DPEP2: variants seen among roughly 807,000 people sequenced by gnomAD.
DPEP2 encodes the protein dipeptidase 2.
DPEP2 carries 45 observed loss-of-function variants against 51.8 expected under a neutral mutation model. The ratio of observed to expected loss-of-function variants is 0.87; its 90% CI spans 0.68 to 1.11. DPEP2 has a LOEUF of 1.11. Among genes scored for constraint, DPEP2 ranks in the 50% most tolerant of loss-of-function variants. The pLI, the probability that DPEP2 is intolerant of heterozygous loss-of-function variation, is 0.00. For synonymous variants in DPEP2, 255 were observed against 262.7 expected, an observed-to-expected ratio of 0.97 and a Z score of 0.28; for missense variants, 604 against 631.9, an observed-to-expected ratio of 0.96 and a Z score of 0.47.
chr16:68,000,181 A>G (rs1474904531), upstream of DPEP2, among the ~76,000 whole-genome samples: 5 of 152,172 alleles, frequency 3.3e-5, no homozygotes, highest in Non-Finnish European at 7.3e-5. Context: ...AAATCTTGCT[A>G]CCAGGAAGGA....
intron 9 of DPEP2, among the ~76,000 whole-genome samples, chr16:67,988,836 C>G (rs2031754368): frequency 6.6e-6 from 1 of 151,986 alleles, no homozygotes; most frequent in Non-Finnish European, 1.5e-5. Context: ...TGCTTGAGCC[C>G]AGAAAGTCAA....
intron 1 of DPEP2, among the ~76,000 whole-genome samples, chr16:67,995,214 T>A (rs1254216984): frequency 1.1e-4 from 17 of 151,932 alleles, no homozygotes; most frequent in Non-Finnish European, 1.8e-4. Flanking sequence ...TTTTTATTTT[T>A]TATTTATTTT....
rs1048302486 is a variant in DPEP2, at chr16:67,991,073, G to A, written c.732+42C>T. 3 of 1,613,946 alleles carry A rather than the reference G, an allele frequency of 1.9e-6. No individual in the cohort carries two copies. The highest frequency in any genetic ancestry group is 4.5e-5 in the East Asian group (2 of 44,898). On this transcript the variant is annotated intron_variant, in intron 6 of 10. Transcript: ENST00000393847. The surrounding 1 kb of genome is among the most constrained non-coding windows in gnomAD (Gnocchi z 5.1). ...TTTATTTGTAAGAAACAGCTGGGGT[G>A]TGCACATTTGTTTGGGGTGGAGTGT...
intron 1 of DPEP2, chr16:67,994,408 C>T (rs1018535080): frequency 2.0e-6 from 2 of 984,800 alleles, no homozygotes; most frequent in Non-Finnish European, 2.4e-6. Flanking sequence ...TAGATGCCTC[C>T]TCCAGGAAGG....
Position 67,987,903 on chromosome 16 carries a change from A to C in DPEP2, c.1155T>G (p.Leu385=). The C allele has an allele frequency of 6.2e-7, 1 of 1,614,148 alleles. No homozygotes were observed. Among genetic ancestry groups the C allele is most frequent in the Admixed American group, 1.7e-5 (1 of 60,010 alleles). The change falls in exon 10 of 11, where the codon CTT becomes CTG. Residue 385 remains leucine, a synonymous_variant. Transcript: ENST00000393847. ...GCAGGTTTCCACGAAGGACACCCTG[A>C]AGCTCTTCCTCACTCCAGCCACGAC... ...LLSRGWSEEE[L]QGVLRGNLLR... is the part of the protein sequence containing the mutation.
chr16:67,992,071 C>A lies in DPEP2; in HGVS notation c.513G>T (p.Ser171=), dbSNP rs774457717. 7 of 1,614,070 alleles carry A rather than the reference C, an allele frequency of 4.3e-6. No individual in the cohort carries two copies. The highest frequency in any genetic ancestry group is 5.9e-6 in the Non-Finnish European group (7 of 1,180,004). ...TCCCATCAACTTGCCTACCTTTAGC[C>A]GAGGTCACAAGCTCCAGCTCAGAAT... is the stretch of plus-strand genomic sequence containing the variant. The part of the protein sequence containing the change: ...ASYSELELVT[S]AKALNDTQKL... The change falls in exon 4 of 11, where the codon TCG becomes TCT. Residue 171 remains serine (S), a synonymous_variant. Coordinates refer to ENST00000393847, the MANE Select transcript of DPEP2 (RefSeq NM_022355.4).
chr16:67,992,735 T>C lies in DPEP2; in HGVS notation c.264-99A>G, dbSNP rs562300504. On this transcript the variant is annotated intron_variant, in intron 2 of 10. Transcript: ENST00000393847. Reference sequence around the variant, plus strand: ...CACATCTGGGGATCCCCATCCCTCATTGTCACATGACTATACTGAGATCCC... The same window carrying C: ...CACATCTGGGGATCCCCATCCCTCACTGTCACATGACTATACTGAGATCCC... 2.6e-4 allele frequency: 397 copies of C among 1,544,340 alleles called. 3 individuals are homozygous for C. In the Middle Eastern group the frequency reaches 5.2e-3, roughly 20 times the overall value.
chr16:67,996,664 G>C (rs1412229128), intron 1 of DPEP2, among the ~76,000 whole-genome samples: 1 of 152,046 alleles, frequency 6.6e-6, no homozygotes, highest in Non-Finnish European at 1.5e-5. Flanking sequence ...TTATAGGTGT[G>C]AGCGACCGCA....
chr16:67,987,679 G>C lies in DPEP2; in HGVS notation c.1288C>G (p.Leu430Val). Reference sequence around the variant, plus strand: ...CTCTGTCTCTGACGCAGACGTGAGAGGTCGGAGTGGCAGGAACTGCTCAGC... The same window carrying C: ...CTCTGTCTCTGACGCAGACGTGAGACGTCGGAGTGGCAGGAACTGCTCAGC... Reference protein sequence around the residue: ...EQLSSSCHSDLSRLRQRQSLT... With the variant: ...EQLSSSCHSDVSRLRQRQSLT... The change falls in exon 11 of 11, where the codon CTC (leucine) becomes GTC (valine). Residue 430 changes from leucine (L) to valine (V), a missense_variant. Physicochemically the swap from Leu to Val is conservative, Grantham distance 32 (BLOSUM62 1). Transcript: ENST00000393847. 5 of 1,614,204 alleles carry C rather than the reference G, an allele frequency of 3.1e-6. No individual in the cohort carries two copies. The highest frequency in any genetic ancestry group is 4.2e-6 in the Non-Finnish European group (5 of 1,180,036).
Position 67,990,846 on chromosome 16 carries a change from A to G in DPEP2, c.884T>C (p.Val295Ala). 6.2e-7 allele frequency: 1 copy of G among 1,613,996 alleles called. No individual in the cohort carries two copies. The highest frequency in any genetic ancestry group is 1.7e-5 in the Admixed American group (1 of 60,002). ...ARGVCNSARN[V>A]PDDILQLLKK... The stretch of plus-strand genomic sequence containing the variant: ...CAGAAGCTGCAGGATGTCATCAGGA[A>G]CATTCCGAGCACTGTTGCACACACC... Residue 295 changes from valine (V) to alanine (A), a missense_variant, in exon 7 of 11, where the codon GTT (valine) becomes GCT (alanine). Val to Ala is a moderately conservative substitution (Grantham distance 64). Coordinates refer to ENST00000393847, the MANE Select transcript of DPEP2 (RefSeq NM_022355.4).
intron 1 of DPEP2, among the ~76,000 whole-genome samples, chr16:67,997,824 A>C (rs936269725): frequency 9.2e-5 from 14 of 152,098 alleles, no homozygotes; most frequent in African/African-American, 3.4e-4. Flanking sequence ...CAGGATTTGG[A>C]GATGCTTTGA....
chr16:67,993,497 T>C, intron 1 of DPEP2: 1 of 1,202,990 alleles, frequency 8.3e-7, no homozygotes, highest in Non-Finnish European at 1.0e-6. Context: ...ACTCGCGGCC[T>C]GTCTTAGGGC....
chr16:67,991,272 C>T lies in DPEP2; in HGVS notation c.663-88G>A. 1.5e-6 allele frequency: 2 copies of T among 1,349,242 alleles called. No homozygotes were observed. Among genetic ancestry groups the T allele is most frequent in the South Asian group, 2.5e-5 (2 of 79,826 alleles). 83.6% of individuals were successfully genotyped at this position (1,349,242 alleles called of 1,614,324 possible). A position where few individuals can be genotyped will look rare whatever the true frequency, so the allele number is the denominator to read the frequency against. On this transcript the variant is annotated intron_variant, in intron 5 of 10. Coordinates refer to ENST00000393847, the MANE Select transcript of DPEP2 (RefSeq NM_022355.4). This position sits in a 1 kb window ranked among gnomAD's most constrained non-coding sequence, Gnocchi z 5.1. ...CCCTACCCACCCTCCATCCCTGCAC[C>T]CCCCTGAAACAAAAACAGGGATCCA...
chr16:67,994,229 G>C (rs937081412), intron 1 of DPEP2: 15 of 985,510 alleles, frequency 1.5e-5, no homozygotes, highest in Non-Finnish European at 1.8e-5. Flanking sequence ...CCCCGGCCTC[G>C]TCCAGGTCAG....
chr16:67,994,097 G>A lies in DPEP2; in HGVS notation c.-45-840C>T, dbSNP rs961979665. On this transcript the variant is annotated intron_variant, in intron 1 of 10. Coordinates refer to ENST00000393847, the MANE Select transcript of DPEP2 (RefSeq NM_022355.4). ...ACTCAACAGAGCAGGAACCCACACAGCCATCTGCATGGAAGGAAATGAAGT... is the reference window on the plus strand; with the variant it reads ...ACTCAACAGAGCAGGAACCCACACAACCATCTGCATGGAAGGAAATGAAGT... 38 of 985,474 alleles carry A rather than the reference G, an allele frequency of 3.9e-5. No homozygotes were observed. In the African/African-American group the frequency reaches 6.5e-4, roughly 17 times the overall value. The allele number at this position is 985,474 out of a possible 1,614,324, so 61.0% of individuals were successfully genotyped here. A position where few individuals can be genotyped will look rare whatever the true frequency, so the allele number is the denominator to read the frequency against.
chr16:67,996,098 G>A (rs1451324157), intron 1 of DPEP2, among the ~76,000 whole-genome samples: 2 of 151,836 alleles, frequency 1.3e-5, no homozygotes, highest in African/African-American at 4.8e-5. Context: ...GACTGCAGTG[G>A]TGCAGTCTCA....
rs1285870153 is a variant in DPEP2 at position 67,993,258 on chromosome 16, C to A, written c.-45-1G>T. 6 of 1,401,150 alleles carry A rather than the reference C, an allele frequency of 4.3e-6. No homozygotes were observed. Among genetic ancestry groups the A allele is most frequent in the Non-Finnish European group, 5.6e-6 (6 of 1,075,668 alleles). The allele number at this position is 1,401,150 out of a possible 1,614,324, so 86.8% of individuals were successfully genotyped here. A position where few individuals can be genotyped will look rare whatever the true frequency, so the allele number is the denominator to read the frequency against. Reference sequence around the variant, plus strand: ...CAGGCAGGGGTGGCAGTCAGAGAGCCTGAGAGGGGCGGGCGAGGGGCAGAG... The same window carrying A: ...CAGGCAGGGGTGGCAGTCAGAGAGCATGAGAGGGGCGGGCGAGGGGCAGAG... On this transcript the variant is annotated splice_acceptor_variant, in intron 1 of 10. Coordinates refer to ENST00000393847, the MANE Select transcript of DPEP2 (RefSeq NM_022355.4). LOFTEE classifies it low-confidence loss of function (5UTR_SPLICE).
chr16:67,993,665 A>C (rs907994028), intron 1 of DPEP2: 2 of 988,554 alleles, frequency 2.0e-6, no homozygotes. Flanking sequence ...AGACCACGTC[A>C]TGTCCCCAAC....
chr16:67,990,155 C>T (rs1185783736), intron 7 of DPEP2, 24 bp from the exon 8 acceptor site: 2 of 1,612,174 alleles, frequency 1.2e-6, no homozygotes, highest in Non-Finnish European at 1.7e-6. Context: ...CAAGTGGACA[C>T]TTAGCCTGGC....
Sources: allele counts gnomAD v4.1 joint callset (sites outside exome capture counted in the v4.1 genomes callset), GRCh38; gene constraint gnomAD v4.1.1; non-coding constraint Gnocchi (gnomAD v3.1); transcripts MANE v1.5; gene names NCBI Gene and HGNC (gene_info 2026-07-23, HGNC 2026-07-21).